The following RNLS variants were observed in gnomAD, a reference collection of about 807,000 sequenced individuals.
The protein encoded by RNLS is renalase.
In RNLS, 39 loss-of-function variants were observed where a neutral mutation model predicts 39.8. That is an observed-to-expected ratio of 0.98 (90% CI 0.76 to 1.28). The LOEUF (loss-of-function observed/expected upper bound fraction) is 1.28, where lower values mean the gene tolerates loss of function less well. Among genes scored for constraint, RNLS ranks in the 50% most tolerant of loss-of-function variants. RNLS has a pLI of 0.00. For missense variants in RNLS, 410 were observed against 413.3 expected, an observed-to-expected ratio of 0.99 and a Z score of 0.07; for synonymous variants, 147 against 150.7, an observed-to-expected ratio of 0.98 and a Z score of 0.18.
intron 4 of RNLS, among the ~76,000 whole-genome samples, chr10:88,539,978 TACC>T (rs1403373397): frequency 2.0e-5 from 3 of 152,132 alleles, no homozygotes; most frequent in Non-Finnish European, 2.9e-5. Context: ...TTGAGTTAGA[TACC>T]ACCTTCACCA....
chr10:88,453,592 T>A (rs1010974738), intron 4 of RNLS, among the ~76,000 whole-genome samples: 1 of 152,354 alleles, frequency 6.6e-6, no homozygotes, highest in South Asian at 2.1e-4. Context: ...GCCTGCTTTC[T>A]GGGAAACCTA....
intron 5 of RNLS, among the ~76,000 whole-genome samples, chr10:88,352,460 T>C (rs894405460): frequency 6.6e-5 from 10 of 152,214 alleles, no homozygotes; most frequent in African/African-American, 2.2e-4. Flanking sequence ...GAGATAATCC[T>C]GTGGCTTTTG....
At chr10:88,430,038 C>T (rs1855043597) in intron 4 of RNLS, among the ~76,000 whole-genome samples, 1 of 151,580 alleles carries the variant, frequency 6.6e-6, no homozygotes, top group South Asian at 2.1e-4. Flanking sequence ...TTTCAATTTC[C>T]ACAAAAAACC....
chr10:88,453,878 T>G (rs1052706905), intron 4 of RNLS, among the ~76,000 whole-genome samples: 8 of 152,236 alleles, frequency 5.3e-5, no homozygotes, highest in Non-Finnish European at 1.0e-4. Context: ...CAGCAGAGAC[T>G]CTTTGTATTC....
At chr10:88,579,893 C>T (rs1017324991) in intron 3 of RNLS, among the ~76,000 whole-genome samples, 3 of 152,164 alleles carry the variant, frequency 2.0e-5, no homozygotes, top group Non-Finnish European at 2.9e-5. Context: ...AGATTGCCCT[C>T]CCTAATGTGG....
intron 4 of RNLS, among the ~76,000 whole-genome samples, chr10:88,526,434 T>C (rs1589956598): frequency 6.6e-6 from 1 of 151,842 alleles, no homozygotes; most frequent in South Asian, 2.1e-4. Context: ...AAACAAAACC[T>C]GAGAAGACAC....
chr10:88,347,127 C>G (rs1241961107), intron 5 of RNLS, among the ~76,000 whole-genome samples: 2 of 152,138 alleles, frequency 1.3e-5, no homozygotes, highest in African/African-American at 2.4e-5. Flanking sequence ...CACAAGCAGT[C>G]TGTGATTTAC....
chr10:88,315,952 C>G (rs1845733554), intron 5 of RNLS, among the ~76,000 whole-genome samples: 1 of 152,094 alleles, frequency 6.6e-6, no homozygotes, highest in Non-Finnish European at 1.5e-5. Context: ...AAAGCTTCCT[C>G]AGTGTTGCCT....
At chr10:88,359,430 G>C (rs1275308453) in intron 5 of RNLS, among the ~76,000 whole-genome samples, 1 of 152,116 alleles carries the variant, frequency 6.6e-6, no homozygotes, top group Non-Finnish European at 1.5e-5. Flanking sequence ...GACCCATTTA[G>C]TACCCTGGCC....
the RNLS span, among the ~76,000 whole-genome samples, chr10:88,233,526 A>G: frequency 6.6e-6 from 1 of 152,334 alleles, no homozygotes; most frequent in East Asian, 1.9e-4. Context: ...AAAATAAAAG[A>G]TGACCAGTTA....
chr10:88,313,773 T>C (rs1460126247), intron 6 of RNLS, among the ~76,000 whole-genome samples: 1 of 152,220 alleles, frequency 6.6e-6, no homozygotes, highest in African/African-American at 2.4e-5. Flanking sequence ...TTTGCTTCGT[T>C]GTCCCCTAAA....
chr10:88,359,774 A>G (rs1849493836), intron 5 of RNLS, among the ~76,000 whole-genome samples: 1 of 152,238 alleles, frequency 6.6e-6, no homozygotes, highest in African/African-American at 2.4e-5. Flanking sequence ...TCAAATTTGC[A>G]TAATTTTATA....
the RNLS span, among the ~76,000 whole-genome samples, chr10:88,251,029 T>C: frequency 6.6e-6 from 1 of 152,236 alleles, no homozygotes; most frequent in Non-Finnish European, 1.5e-5. Flanking sequence ...TAATTTTATC[T>C]TTTGGGATCA....
chr10:88,272,969 C>T (rs957851954), downstream of RNLS, among the ~76,000 whole-genome samples: 2 of 152,144 alleles, frequency 1.3e-5, no homozygotes, highest in African/African-American at 4.8e-5. Context: ...GGGTTCATGG[C>T]CCAGGAATCT....
At chr10:88,312,736 T>C (rs1374749508) in intron 6 of RNLS, among the ~76,000 whole-genome samples, 6 of 152,194 alleles carry the variant, frequency 3.9e-5, no homozygotes, top group African/African-American at 1.4e-4. Context: ...ACTAGATACA[T>C]TTTTAATTTG....
At chr10:88,451,081 T>C (rs764168589) in intron 4 of RNLS, among the ~76,000 whole-genome samples, 123 of 150,898 alleles carry the variant, frequency 8.2e-4, no homozygotes, top group Non-Finnish European at 1.6e-3. Context: ...AGAGGTGAGA[T>C]GCAAGTGTCA....
In RNLS at chr10:88,577,091, G is replaced by A. The variant is rs540056878; in HGVS notation, c.368-4030C>T. On this transcript the variant is annotated intron_variant, in intron 3 of 6. Transcript: ENST00000331772. ...TCCATGTCATAGGCAGGAACCATCAGGTGACCAATTTCCCAGGTTGCATAA... is the reference window on the plus strand; with the variant it reads ...TCCATGTCATAGGCAGGAACCATCAAGTGACCAATTTCCCAGGTTGCATAA... 2.6e-5 allele frequency among the ~76,000 whole-genome samples: 4 copies of A among 152,202 alleles called. No homozygotes were observed. In the East Asian group the frequency reaches 5.8e-4, roughly 22 times the overall value.
intron 4 of RNLS, among the ~76,000 whole-genome samples, chr10:88,423,445 T>C (rs1348043605): frequency 1.3e-5 from 2 of 152,192 alleles, no homozygotes; most frequent in African/African-American, 4.8e-5. Flanking sequence ...AAGATTAACT[T>C]TGTTAAGATT....
chr10:88,408,979 A>G (rs1003601132), intron 4 of RNLS, among the ~76,000 whole-genome samples: 1 of 152,138 alleles, frequency 6.6e-6, no homozygotes, highest in Admixed American at 6.6e-5. Flanking sequence ...CATTTCTGAA[A>G]ATGTAATTTA....
Sources: gnomAD v4.1 joint callset for allele counts (sites outside exome capture counted in the v4.1 genomes callset) on GRCh38, gnomAD v4.1.1 for gene constraint, MANE v1.5 for transcripts, NCBI Gene and HGNC (gene_info 2026-07-23, HGNC 2026-07-21) for gene names.